The following AIG1 variants were observed in gnomAD, a reference collection of about 807,000 sequenced individuals.
AIG1 encodes androgen induced 1.
In AIG1, 23 loss-of-function variants were observed where a neutral mutation model predicts 31.4. That is an observed-to-expected ratio of 0.73 (90% CI 0.53 to 1.04). The LOEUF (loss-of-function observed/expected upper bound fraction) is 1.04, where lower values mean the gene tolerates loss of function less well. Among genes scored for constraint, AIG1 ranks in the 50% least tolerant of loss-of-function variants. The pLI is 0.00. For missense variants in AIG1, 274 were observed against 295.0 expected (o/e 0.93, Z 0.52); for synonymous variants, 100 against 110.5 (o/e 0.90, Z 0.60).
chr6:143,194,584 T>A (rs1790071028), intron 3 of AIG1, among the ~76,000 whole-genome samples: 1 of 152,206 alleles, frequency 6.6e-6, no homozygotes, highest in South Asian at 2.1e-4. Context: ...ATCCATCTAT[T>A]TATTTGGATA....
At chr6:143,106,565 T>C (rs1024779851) in intron 1 of AIG1, among the ~76,000 whole-genome samples, 1 of 152,184 alleles carries the variant, frequency 6.6e-6, no homozygotes, top group African/African-American at 2.4e-5. Flanking sequence ...CTCCCCAAAA[T>C]ATTTACCAAA....
At chr6:143,193,033 C>G (rs955088362) in intron 3 of AIG1, among the ~76,000 whole-genome samples, 2 of 152,196 alleles carry the variant, frequency 1.3e-5, no homozygotes, top group Non-Finnish European at 2.9e-5. Flanking sequence ...GGAATCTGTC[C>G]ATGATGGTGC....
At chr6:143,146,309 A>C (rs988377726) in intron 2 of AIG1, among the ~76,000 whole-genome samples, 35 of 152,148 alleles carry the variant, frequency 2.3e-4, no homozygotes, top group African/African-American at 8.0e-4. Flanking sequence ...GGTAGAATTG[A>C]TTTTCATGAA....
chr6:143,283,377 G>A (rs9321898), intron 3 of AIG1, among the ~76,000 whole-genome samples: 73,157 of 152,078 alleles, frequency 0.48, 18,521 homozygotes, highest in East Asian at 0.84. Flanking sequence ...TCTGGAAGCT[G>A]ATTTGGCGTT....
At chr6:143,190,127 T>C in intron 3 of AIG1, 3 of 961,194 alleles carry the variant, frequency 3.1e-6, no homozygotes, top group Non-Finnish European at 2.5e-6. Context: ...TGCTATAACC[T>C]TAGAGGTTAG....
chr6:143,092,298 T>C (rs1779375552), intron 1 of AIG1, among the ~76,000 whole-genome samples: 1 of 150,404 alleles, frequency 6.6e-6, no homozygotes, highest in Non-Finnish European at 1.5e-5. Context: ...TTTTTTTTTT[T>C]TGTAGAGACA....
intron 3 of AIG1, among the ~76,000 whole-genome samples, chr6:143,278,347 A>T (rs1365754991): frequency 1.3e-5 from 2 of 152,228 alleles, no homozygotes; most frequent in African/African-American, 4.8e-5. Flanking sequence ...CGGGGACGTG[A>T]CATTAAATAA....
At chr6:143,187,337 C>T in intron 3 of AIG1, 2 of 1,423,236 alleles carry the variant, frequency 1.4e-6, no homozygotes, top group Non-Finnish European at 1.9e-6. Flanking sequence ...AATCAGACCA[C>T]AGATATTTTG....
Position 143,247,361 on chromosome 6 carries a change from A to G in AIG1, c.400-36749A>G, listed in dbSNP as rs140675613. On this transcript the variant is annotated intron_variant, in intron 3 of 5. Transcript: ENST00000357847. ...TAGCCAGGATGGTCTTGATCTCCTA[A>G]CCTCATAATCCACCCGCCTCAGCCT... Among the ~76,000 whole-genome samples the G allele has an allele frequency of 6.3e-3, 957 of 152,298 alleles. 33 individuals carry two copies. The highest frequency in any genetic ancestry group is 0.055 in the Admixed American group (834 of 15,300).
intron 3 of AIG1, among the ~76,000 whole-genome samples, chr6:143,203,453 A>G (rs1245621673): frequency 3.9e-5 from 6 of 152,188 alleles, no homozygotes; most frequent in Admixed American, 3.9e-4. Context: ...TTCCACATTA[A>G]TTTCAAGATG....
At chr6:143,315,563 A>G (rs1272782809) in intron 4 of AIG1, among the ~76,000 whole-genome samples, 1 of 152,144 alleles carries the variant, frequency 6.6e-6, no homozygotes, top group Non-Finnish European at 1.5e-5. Context: ...AAGGCAATTC[A>G]AGAGAGAAAG....
chr6:143,129,997 C>T (rs1473114626), intron 1 of AIG1, among the ~76,000 whole-genome samples: 1 of 147,232 alleles, frequency 6.8e-6, no homozygotes, highest in Non-Finnish European at 1.5e-5. Context: ...GTGGCATGAT[C>T]CTGGCTCACT....
intron 4 of AIG1, among the ~76,000 whole-genome samples, chr6:143,321,683 G>A (rs9386030): frequency 0.2 from 30,322 of 152,102 alleles, 3,334 homozygotes; most frequent in East Asian, 0.36. Context: ...GGCATGAAGA[G>A]GAAACTAAAG....
intron 4 of AIG1, among the ~76,000 whole-genome samples, chr6:143,295,418 A>C (rs1296084025): frequency 6.6e-6 from 1 of 152,166 alleles, no homozygotes; most frequent in Non-Finnish European, 1.5e-5. Context: ...AAATTCCTTT[A>C]CATGTTTTAG....
chr6:143,342,806 T>C, downstream of AIG1: 1 of 799,588 alleles, frequency 1.3e-6, no homozygotes, highest in Non-Finnish European at 2.3e-6. Context: ...GTACCTTCTC[T>C]GCAGTGGACA....
At chr6:143,239,448 G>A (rs1246675112) in intron 3 of AIG1, among the ~76,000 whole-genome samples, 3 of 152,184 alleles carry the variant, frequency 2.0e-5, no homozygotes, top group African/African-American at 4.8e-5. Flanking sequence ...GCTTCAGAAC[G>A]AGGAGATGGT....
chr6:143,201,416 T>A (rs9390068), intron 3 of AIG1, among the ~76,000 whole-genome samples: 75,634 of 152,068 alleles, frequency 0.5, 19,887 homozygotes, highest in East Asian at 0.84. Context: ...CTTCATTGCT[T>A]CATAGCTGTT....
At chr6:143,317,524 T>A (rs1339343502) in intron 4 of AIG1, among the ~76,000 whole-genome samples, 1 of 152,170 alleles carries the variant, frequency 6.6e-6, no homozygotes, top group Non-Finnish European at 1.5e-5. Context: ...TAAAGCCATC[T>A]ACGACAAACC....
At chr6:143,206,925 G>A (rs1488713061) in intron 3 of AIG1, among the ~76,000 whole-genome samples, 1 of 152,162 alleles carries the variant, frequency 6.6e-6, no homozygotes, top group Admixed American at 6.6e-5. Context: ...TTAGAGTGGA[G>A]ATAAAATAGA....
Sources: gnomAD v4.1 joint callset for allele counts (sites outside exome capture counted in the v4.1 genomes callset) on GRCh38, gnomAD v4.1.1 for gene constraint, MANE v1.5 for transcripts, NCBI Gene and HGNC (gene_info 2026-07-23, HGNC 2026-07-21) for gene names.